Variants in MGAT4D observed in about 807,000 individuals in gnomAD.
The protein encoded by MGAT4D is alpha-1,3-mannosyl-glycoprotein 4-beta-N-acetylglucosaminyltransferase-like protein MGAT4D.
Under a neutral mutation model 15.9 loss-of-function variants are expected in MGAT4D, and 34 were observed. The observed-to-expected ratio is 2.14, with a 90% CI of 1.62 to 2.84. The LOEUF (loss-of-function observed/expected upper bound fraction) is 2.84, where lower values mean the gene tolerates loss of function less well. Among genes scored for constraint, MGAT4D ranks in the 30% most tolerant of loss-of-function variants. The probability of loss-of-function intolerance (pLI) is 0.00; values close to 1 mark genes in which losing one functional copy is unlikely to be tolerated. For missense variants in MGAT4D, 327 were observed against 140.2 expected (o/e 2.33, Z -6.73); for synonymous variants, 112 against 48.2 (o/e 2.33, Z -5.49).
intron 9 of MGAT4D, among the ~76,000 whole-genome samples, chr4:140,454,677 T>C (rs1730684593): frequency 6.6e-6 from 1 of 152,174 alleles, no homozygotes; most frequent in Non-Finnish European, 1.5e-5. Flanking sequence ...ACAATTGTTA[T>C]TATTTCATCT....
chr4:140,492,373 T>C (rs937548918), intron 1 of MGAT4D, among the ~76,000 whole-genome samples: 1 of 152,146 alleles, frequency 6.6e-6, no homozygotes, highest in Non-Finnish European at 1.5e-5. Flanking sequence ...TTCGTGAATT[T>C]CTGATTACTA....
chr4:140,479,238 A>T (rs1732535976), intron 3 of MGAT4D, among the ~76,000 whole-genome samples: 1 of 152,244 alleles, frequency 6.6e-6, no homozygotes, highest in African/African-American at 2.4e-5. Context: ...TACTTAATGT[A>T]TATTTGACTT....
rs543939225 is a variant in MGAT4D at position 140,478,277 on chromosome 4, C to G, written c.391+1213G>C. Among the ~76,000 whole-genome samples the G allele has an allele frequency of 2.0e-5, 3 of 152,316 alleles. No individual in the cohort carries two copies. In the South Asian group the frequency reaches 6.2e-4, roughly 32 times the overall value. ...GTCTATTGCTCCACCCAAACACCAC[C>G]ATGTCTCTCTCTCCTTCCTTTCACT... On this transcript the variant is annotated intron_variant, in intron 3 of 10. Transcript: ENST00000511113.
intron 1 of MGAT4D, among the ~76,000 whole-genome samples, chr4:140,497,325 G>A (rs1733901875): frequency 6.6e-6 from 1 of 151,792 alleles, no homozygotes; most frequent in Non-Finnish European, 1.5e-5. Context: ...TTTACACCGC[G>A]GACAACTAGG....
intron 10 of MGAT4D, among the ~76,000 whole-genome samples, chr4:140,447,244 A>G (rs1393106408): frequency 6.6e-6 from 1 of 152,050 alleles, no homozygotes; most frequent in Non-Finnish European, 1.5e-5. Context: ...TGTTGAGTTT[A>G]GGTCCTAAAT....
Position 140,490,851 on chromosome 4 carries a change from C to G in MGAT4D, c.94+7278G>C, listed in dbSNP as rs140585677. Among the ~76,000 whole-genome samples, 66 of 152,254 alleles carry G rather than the reference C, an allele frequency of 4.3e-4. No homozygotes were observed. In the East Asian group the frequency reaches 0.011, roughly 26 times the overall value. ...ATTCAAATATGTCTCTTTTAGTAAC[C>G]ATCAAGTTGAATTTTGTCATATATC... On this transcript the variant is annotated intron_variant, in intron 1 of 10. Transcript: ENST00000511113.
At chr4:140,445,381 G>GT (rs1318681299) in intron 10 of MGAT4D, among the ~76,000 whole-genome samples, 3 of 151,866 alleles carry the variant, frequency 2.0e-5, no homozygotes, top group African/African-American at 4.8e-5. Context: ...GGGGTTGTTT[G>GT]TTTTTTGCTT....
intron 2 of MGAT4D, among the ~76,000 whole-genome samples, chr4:140,481,468 AAAAAATT>A (rs1732726320): frequency 6.6e-6 from 1 of 152,198 alleles, no homozygotes; most frequent in South Asian, 2.1e-4. Context: ...ATGAATTCTA[AAAAAATT>A]AAAACTTCTC....
intron 5 of MGAT4D, among the ~76,000 whole-genome samples, chr4:140,465,538 A>G (rs1264819499): frequency 6.6e-6 from 1 of 152,212 alleles, no homozygotes; most frequent in Non-Finnish European, 1.5e-5. Context: ...CAACAAGGTC[A>G]TCACTAAACT....
intron 10 of MGAT4D, among the ~76,000 whole-genome samples, chr4:140,445,576 T>C (rs1730069200): frequency 6.6e-6 from 1 of 152,224 alleles, no homozygotes; most frequent in Non-Finnish European, 1.5e-5. Context: ...CAATTCCTTT[T>C]GGAATCTTCA....
intron 7 of MGAT4D, among the ~76,000 whole-genome samples, chr4:140,461,521 T>C (rs1484579072): frequency 1.3e-5 from 2 of 152,110 alleles, no homozygotes; most frequent in Admixed American, 6.6e-5. Flanking sequence ...TATGAGTAAA[T>C]TTAGGGTAGC....
intron 1 of MGAT4D, among the ~76,000 whole-genome samples, chr4:140,495,733 T>G (rs1188912069): frequency 1.3e-5 from 2 of 152,136 alleles, no homozygotes; most frequent in Non-Finnish European, 2.9e-5. Context: ...ATTTAATTTA[T>G]TTTTTAGTTT....
chr4:140,493,619 A>G (rs1484107295), intron 1 of MGAT4D, among the ~76,000 whole-genome samples: 3 of 151,980 alleles, frequency 2.0e-5, no homozygotes, highest in Admixed American at 2.0e-4. Flanking sequence ...TTAAAATGTA[A>G]TTTTATCATA....
At chr4:140,497,986 G>A (rs1396880008) in intron 1 of MGAT4D, 143 bp downstream of exon 1, 2 of 518,402 alleles carry the variant, frequency 3.9e-6, no homozygotes, top group Non-Finnish European at 6.7e-6. Flanking sequence ...AGGCACCGAC[G>A]CGGGCCTCCC....
At chr4:140,444,985 A>C (rs558668650) in intron 10 of MGAT4D, among the ~76,000 whole-genome samples, 1 of 151,890 alleles carries the variant, frequency 6.6e-6, no homozygotes, top group South Asian at 2.1e-4. Flanking sequence ...AGGTTCAAGC[A>C]ATTCTCTGGC....
chr4:140,456,636 A>G lies in MGAT4D; in HGVS notation c.961T>C (p.Leu321=). Residue 321 remains leucine, a synonymous_variant, in exon 9 of 11, where the codon TTG becomes CTG. Transcript: ENST00000511113. The part of the protein sequence containing the change: ...FYKEKPIDWL[L]NDIFQVKVCD... ...ACCTTTACCTGAAAAATGTCATTCA[A>G]GAGCCAGTCTATGGGTTTCTCTTTG... The G allele has an allele frequency of 1.4e-6, 1 of 698,082 alleles. No homozygotes were observed. Among genetic ancestry groups the G allele is most frequent in the South Asian group, 1.5e-5 (1 of 66,540 alleles). 43.2% of individuals were successfully genotyped at this position (698,082 alleles called of 1,614,324 possible).
chr4:140,476,923 C>T (rs1013783502), intron 3 of MGAT4D, among the ~76,000 whole-genome samples: 6 of 151,952 alleles, frequency 3.9e-5, no homozygotes. Context: ...ACAGCAGACA[C>T]CTTCATGTGT....
intron 10 of MGAT4D, among the ~76,000 whole-genome samples, chr4:140,447,938 G>A (rs1730236132): frequency 6.6e-6 from 1 of 152,118 alleles, no homozygotes; most frequent in South Asian, 2.1e-4. Flanking sequence ...GTCTGAAAAG[G>A]ATCTTATTCC....
chr4:140,489,065 A>C (rs1733337849), intron 1 of MGAT4D, among the ~76,000 whole-genome samples: 1 of 152,208 alleles, frequency 6.6e-6, no homozygotes, highest in Admixed American at 6.5e-5. Context: ...CAATGCAAGA[A>C]TGGCCTACTA....
Sources: allele counts gnomAD v4.1 joint callset (sites outside exome capture counted in the v4.1 genomes callset), GRCh38; gene constraint gnomAD v4.1.1; transcripts MANE v1.5; gene names NCBI Gene and HGNC (gene_info 2026-07-23, HGNC 2026-07-21).